The following SALL2 variants were observed in gnomAD, a reference collection of about 807,000 sequenced individuals.
SALL2 encodes the protein spalt like transcription factor 2, also known as sal-like protein 2.
Under a neutral mutation model 58.5 loss-of-function variants are expected in SALL2, and 32 were observed. That is an observed-to-expected ratio of 0.55 (90% confidence interval 0.41 to 0.74). The LOEUF (loss-of-function observed/expected upper bound fraction) is 0.74. Ranked by LOEUF, SALL2 falls within the 30% of genes least tolerant of loss-of-function variation. The pLI is 0.00. For missense variants in SALL2, 1,201 were observed against 1,268.9 expected (o/e 0.95, Z 0.81); for synonymous variants, 516 against 513.6 (o/e 1.00, Z -0.06).
At position 21,522,451 on chromosome 14, in the gene SALL2, C is replaced by T; in HGVS notation, c.*253G>A. 9.3e-6 allele frequency: 13 copies of T among 1,401,602 alleles called. No homozygotes were observed. The highest frequency in any genetic ancestry group is 7.4e-6 in the Non-Finnish European group (8 of 1,081,594). 86.8% of individuals were successfully genotyped at this position (1,401,602 alleles called of 1,614,324 possible). On this transcript the variant is annotated 3_prime_UTR_variant, in exon 2 of 2. Transcript: ENST00000537235. ...CACCAGGGAAGCTGGAGAGGGTTCC[C>T]CTTGAGAAAGCTGCAGAGAATCTAT...
rs371993969 is a variant in SALL2 at position 21,522,116 on chromosome 14, C to T, written c.*588G>A. On this transcript the variant is annotated 3_prime_UTR_variant, in exon 2 of 2. Coordinates refer to ENST00000537235, the MANE Select transcript of SALL2 (RefSeq NM_001364564.1). ...CTTCCCTGGATCCCATTGTTGGAGGCACCTTCCCAGCCACAGTTCCTAGGC... is the reference window on the plus strand; with the variant it reads ...CTTCCCTGGATCCCATTGTTGGAGGTACCTTCCCAGCCACAGTTCCTAGGC... 28 of 1,597,780 alleles carry T rather than the reference C, an allele frequency of 1.8e-5. No individual in the cohort carries two copies. Among genetic ancestry groups the T allele is most frequent in the Non-Finnish European group, 2.3e-5 (27 of 1,179,670 alleles).
rs373507379 is a variant in SALL2 at position 21,521,915 on chromosome 14, C to T, written c.*789G>A. ...TTTCCTATGCCCTTCCTTCATTTCT[C>T]CCTACTTCCTAGGGTTGGGTCACCA... On this transcript the variant is annotated 3_prime_UTR_variant, in exon 2 of 2. Coordinates refer to ENST00000537235, the MANE Select transcript of SALL2 (RefSeq NM_001364564.1). The T allele has an allele frequency of 4.2e-6, 6 of 1,424,502 alleles. No homozygotes were observed. Among genetic ancestry groups the T allele is most frequent in the East Asian group, 5.0e-5 (2 of 39,906 alleles). 88.2% of individuals were successfully genotyped at this position (1,424,502 alleles called of 1,614,324 possible). A position where few individuals can be genotyped will look rare whatever the true frequency, so the allele number is the denominator to read the frequency against.
chr14:21,521,834 C>A lies in SALL2; in HGVS notation c.*870G>T. ...GAGAAGCTGGAGAGGTCTTGGCACA[C>A]TGACCAGCCAAAACCTTTACCTTAA... On this transcript the variant is annotated 3_prime_UTR_variant, in exon 2 of 2. Transcript: ENST00000537235. 5.7e-6 allele frequency: 4 copies of A among 701,142 alleles called. No homozygotes were observed. In the South Asian group the frequency reaches 8.6e-5, roughly 15 times the overall value. The allele number at this position is 701,142 out of a possible 1,614,324, so 43.4% of individuals were successfully genotyped here.
chr14:21,531,739 C>G (rs1183954277), intron 1 of SALL2, among the ~76,000 whole-genome samples: 1 of 102,592 alleles, frequency 9.7e-6, no homozygotes, highest in Non-Finnish European at 2.1e-5. Flanking sequence ...CGGAGTCTCG[C>G]TCTGTCGCCC....
chr14:21,524,091 G>C lies in SALL2; in HGVS notation c.1631C>G (p.Thr544Ser). Residue 544 changes from threonine to serine, a missense_variant, in exon 2 of 2, where the codon ACT (threonine) becomes AGT (serine). By Grantham distance (58) the Thr-to-Ser change is moderately conservative. Around this residue, in one of 3 missense-constraint regions of SALL2, gnomAD observed 675 missense variants for 683.8 expected, o/e 0.99. Coordinates refer to ENST00000537235, the MANE Select transcript of SALL2 (RefSeq NM_001364564.1). Reference sequence around the variant, plus strand: ...CACCAACTTACTTAGTTGCATGCGAGTTGCCGTGCTACTTTCTGCCACTCC... The same window carrying C: ...CACCAACTTACTTAGTTGCATGCGACTTGCCGTGCTACTTTCTGCCACTCC... ...ISGVAESSTA[T>S]RMQLSKLVTS... 1.2e-6 allele frequency: 2 copies of C among 1,614,074 alleles called. No homozygotes were observed. The highest frequency in any genetic ancestry group is 2.7e-5 in the African/African-American group (2 of 75,044).
Position 21,524,243 on chromosome 14 carries a change from G to A in SALL2, c.1479C>T (p.Thr493=), listed in dbSNP as rs779992164. 1.5e-5 allele frequency: 24 copies of A among 1,613,406 alleles called. No homozygotes were observed. The highest frequency in any genetic ancestry group is 2.2e-5 in the South Asian group (2 of 90,986). ...CTGGAGCCGTGGCTGTGCCTGCACTGGTGGAGAGCAGAGTCAGGCTCTCTG... is the reference window on the plus strand; with the variant it reads ...CTGGAGCCGTGGCTGTGCCTGCACTAGTGGAGAGCAGAGTCAGGCTCTCTG... ...SATESLTLLS[T]SAGTATAPGL... The change falls in exon 2 of 2, where the codon ACC becomes ACT. Residue 493 remains threonine, a synonymous_variant. Transcript: ENST00000537235.
upstream of SALL2, among the ~76,000 whole-genome samples, chr14:21,526,751 C>T (rs1435145736): frequency 6.6e-6 from 1 of 152,076 alleles, no homozygotes; most frequent in Non-Finnish European, 1.5e-5. Context: ...GTCTGAGGGC[C>T]AGAAGAAGAG....
chr14:21,531,054 A>G (rs1435632701), upstream of SALL2, among the ~76,000 whole-genome samples: 1 of 152,230 alleles, frequency 6.6e-6, no homozygotes, highest in African/African-American at 2.4e-5. Flanking sequence ...ATGTAGACAC[A>G]TAATAATCCT....
chr14:21,534,521 T>C (rs1594472343), intron 1 of SALL2, among the ~76,000 whole-genome samples: 1 of 151,978 alleles, frequency 6.6e-6, no homozygotes, highest in South Asian at 2.1e-4. Context: ...GGCTTGAAAA[T>C]CCATTCAAGA....
chr14:21,537,105 G>A (rs1050460566), upstream of SALL2: 3 of 591,124 alleles, frequency 5.1e-6, no homozygotes, highest in African/African-American at 5.6e-5. Context: ...CTGATTCTCT[G>A]TTCTTGACTC....
chr14:21,531,205 G>A (rs1892452402), upstream of SALL2, among the ~76,000 whole-genome samples: 1 of 152,130 alleles, frequency 6.6e-6, no homozygotes, highest in South Asian at 2.1e-4. Context: ...ACATAAGAAT[G>A]TTCTTTTAAT....
rs1355906192 is a variant in SALL2, at chr14:21,525,428, TG to T, written c.293del (p.Pro98GlnfsTer41). 1 of 1,613,930 alleles carries T rather than the reference TG, an allele frequency of 6.2e-7. No individual in the cohort carries two copies. The highest frequency in any genetic ancestry group is 2.2e-5 in the East Asian group (1 of 44,860). ...CCGTGGGCACGGAGGACCCAGAATC[TG>T]GGGGGTTGCTATGCTCTGTGTCCAT... ...QVMDTEHSNP[P>X]DSGSSVPTDP... On this transcript the variant is annotated frameshift_variant, in exon 2 of 2. Coordinates refer to ENST00000537235, the MANE Select transcript of SALL2 (RefSeq NM_001364564.1). LOFTEE classifies it high-confidence loss of function. The surrounding 1 kb of genome is among the most constrained non-coding windows in gnomAD (Gnocchi z 4.4).
At chr14:21,532,722 G>A (rs1340299032) in intron 1 of SALL2, among the ~76,000 whole-genome samples, 1 of 152,078 alleles carries the variant, frequency 6.6e-6, no homozygotes, top group Non-Finnish European at 1.5e-5. Flanking sequence ...CCAGCACTTT[G>A]GGAGGCCAAA....
At position 21,522,384 on chromosome 14, in the gene SALL2, C is replaced by T. The variant is rs974924086; in HGVS notation, c.*320G>A. ...AATGTAGGTGCTCAGGTGCACCTAC[C>T]AAAGGGAAAGGGAGAGGAGAGAGGA... On this transcript the variant is annotated 3_prime_UTR_variant, in exon 2 of 2. Transcript: ENST00000537235. 5 of 1,425,688 alleles carry T rather than the reference C, an allele frequency of 3.5e-6. No individual in the cohort carries two copies. The highest frequency in any genetic ancestry group is 2.5e-4 in the Middle Eastern group (1 of 3,934). The allele number at this position is 1,425,688 out of a possible 1,614,324, so 88.3% of individuals were successfully genotyped here. A position where few individuals can be genotyped will look rare whatever the true frequency, so the allele number is the denominator to read the frequency against.
chr14:21,522,528 T>C lies in SALL2; in HGVS notation c.*176A>G. The C allele has an allele frequency of 2.2e-6, 3 of 1,386,560 alleles. No homozygotes were observed. Among genetic ancestry groups the C allele is most frequent in the Non-Finnish European group, 2.8e-6 (3 of 1,074,522 alleles). 85.9% of individuals were successfully genotyped at this position (1,386,560 alleles called of 1,614,324 possible). On this transcript the variant is annotated 3_prime_UTR_variant, in exon 2 of 2. Coordinates refer to ENST00000537235, the MANE Select transcript of SALL2 (RefSeq NM_001364564.1). ...GGAAGAAAAATTCCTTAGGGGGCCA[T>C]CCCCTTGTAAGCACAGTAATTTCCA...
upstream of SALL2, among the ~76,000 whole-genome samples, chr14:21,530,281 C>CTTTTTT (rs34598628): frequency 6.9e-4 from 45 of 64,826 alleles, no homozygotes; most frequent in Non-Finnish European, 9.9e-4. Context: ...TTTTTTCTTT[C>CTTTTTT]TTTTTTTTTT....
At position 21,525,497 on chromosome 14, in the gene SALL2, G is replaced by C; in HGVS notation, c.225C>G (p.Ala75=). The C allele has an allele frequency of 6.2e-7, 1 of 1,614,006 alleles. No homozygotes were observed. The highest frequency in any genetic ancestry group is 8.5e-7 in the Non-Finnish European group (1 of 1,179,960). The change falls in exon 2 of 2, where the codon GCC becomes GCG. Residue 75 remains alanine (A), a synonymous_variant. Coordinates refer to ENST00000537235, the MANE Select transcript of SALL2 (RefSeq NM_001364564.1). This position sits in a 1 kb window ranked among gnomAD's most constrained non-coding sequence, Gnocchi z 4.4. The part of the protein sequence containing the change: ...GGQENPNNSS[A]SSEPRPEGHN... ...GACCCTCAGGCCGGGGTTCAGAGGA[G>C]GCCGAAGAGTTGTTGGGGTTCTCCT...
intron 1 of SALL2, among the ~76,000 whole-genome samples, chr14:21,535,135 G>A (rs1892560284): frequency 6.6e-6 from 1 of 152,186 alleles, no homozygotes; most frequent in East Asian, 1.9e-4. Context: ...TACGAGATCA[G>A]GAGATCCAGA....
chr14:21,527,530 G>C (rs1892354020), upstream of SALL2, among the ~76,000 whole-genome samples: 1 of 152,110 alleles, frequency 6.6e-6, no homozygotes, highest in South Asian at 2.1e-4. Flanking sequence ...TTTAATCCCA[G>C]TTCTATTCTT....
Sources: allele counts gnomAD v4.1 joint callset (sites outside exome capture counted in the v4.1 genomes callset), GRCh38; gene constraint gnomAD v4.1.1; regional missense constraint gnomAD v4.1.1; non-coding constraint Gnocchi (gnomAD v3.1); transcripts MANE v1.5; gene names NCBI Gene and HGNC (gene_info 2026-07-23, HGNC 2026-07-21).